Variants in HTR4 observed in about 807,000 individuals in gnomAD.
HTR4 encodes 5-hydroxytryptamine (serotonin) receptor 4, G protein-coupled.
Under a neutral mutation model 36.8 loss-of-function variants are expected in HTR4, and 16 were observed. The observed-to-expected ratio is 0.43, with a 90% CI of 0.29 to 0.66. The LOEUF (loss-of-function observed/expected upper bound fraction) is 0.66. HTR4 is among the 30% of genes least tolerant of loss of function. HTR4 has a pLI of 0.13. For missense variants in HTR4, 438 were observed against 490.9 expected, an observed-to-expected ratio of 0.89 and a Z score of 1.02; for synonymous variants, 189 against 185.1, an observed-to-expected ratio of 1.02 and a Z score of -0.17.
chr5:148,543,441 T>C (rs1759219809), intron 4 of HTR4, among the ~76,000 whole-genome samples: 1 of 152,226 alleles, frequency 6.6e-6, no homozygotes, highest in Non-Finnish European at 1.5e-5. Flanking sequence ...ATCTGCCGCA[T>C]GCTGCTGAAA....
chr5:148,609,960 G>T (rs1408549376), intron 2 of HTR4, among the ~76,000 whole-genome samples: 1 of 152,112 alleles, frequency 6.6e-6, no homozygotes, highest in Non-Finnish European at 1.5e-5. Flanking sequence ...TTTGACTCCA[G>T]AGAAGAATAA....
At chr5:148,607,282 G>A (rs557047409) in intron 2 of HTR4, among the ~76,000 whole-genome samples, 1 of 152,234 alleles carries the variant, frequency 6.6e-6, no homozygotes, top group Non-Finnish European at 1.5e-5. Context: ...TGCTTAGGGG[G>A]GAAAAATGTA....
intron 6 of HTR4, among the ~76,000 whole-genome samples, chr5:148,496,153 C>A (rs1387072535): frequency 6.6e-6 from 1 of 152,070 alleles, no homozygotes; most frequent in Non-Finnish European, 1.5e-5. Flanking sequence ...AACTTGAAGC[C>A]CTGAATCACA....
chr5:148,607,184 T>C (rs968976884), intron 2 of HTR4, among the ~76,000 whole-genome samples: 1 of 152,166 alleles, frequency 6.6e-6, no homozygotes, highest in African/African-American at 2.4e-5. Context: ...ACTTGTAAAA[T>C]GAGATAAAGA....
intron 2 of HTR4, among the ~76,000 whole-genome samples, chr5:148,566,239 A>G (rs1313707001): frequency 6.6e-6 from 1 of 152,240 alleles, no homozygotes; most frequent in Non-Finnish European, 1.5e-5. Flanking sequence ...GGTATAAAAC[A>G]GTAAAGCACA....
intron 2 of HTR4, among the ~76,000 whole-genome samples, chr5:148,569,576 G>T (rs1261802104): frequency 6.6e-6 from 1 of 150,992 alleles, no homozygotes; most frequent in South Asian, 2.1e-4. Flanking sequence ...TTATTTTATT[G>T]TATGTATATT....
chr5:148,570,456 C>T (rs1010581873), intron 2 of HTR4, among the ~76,000 whole-genome samples: 5 of 152,078 alleles, frequency 3.3e-5, no homozygotes, highest in Admixed American at 1.3e-4. Flanking sequence ...ACAGAAAACA[C>T]TTTCTTGAGG....
chr5:148,567,186 CAAAG>C (rs1166474915), intron 2 of HTR4, among the ~76,000 whole-genome samples: 1 of 152,096 alleles, frequency 6.6e-6, no homozygotes, highest in Non-Finnish European at 1.5e-5. Context: ...GAAGCTGCTA[CAAAG>C]AAAGAATAAC....
chr5:148,480,913 T>G (rs1010834782), downstream of HTR4, among the ~76,000 whole-genome samples: 1 of 152,202 alleles, frequency 6.6e-6, no homozygotes, highest in African/African-American at 2.4e-5. Context: ...TACAGAATGT[T>G]TTCACAAAAA....
chr5:148,505,008 T>A (rs1287441202), intron 6 of HTR4, among the ~76,000 whole-genome samples: 1 of 152,152 alleles, frequency 6.6e-6, no homozygotes, highest in Non-Finnish European at 1.5e-5. Context: ...ATTAATAGCC[T>A]ACCAACCAAA....
intron 2 of HTR4, among the ~76,000 whole-genome samples, chr5:148,558,632 T>A (rs1367216241): frequency 6.6e-6 from 1 of 152,100 alleles, no homozygotes. Context: ...TGTAAAACCG[T>A]CCCTTGTCGT....
intron 6 of HTR4, among the ~76,000 whole-genome samples, chr5:148,494,982 G>A (rs1756621699): frequency 6.6e-6 from 1 of 152,176 alleles, no homozygotes; most frequent in African/African-American, 2.4e-5. Context: ...TGATAGCCAA[G>A]AACCAAGTTA....
At chr5:148,532,998 C>G (rs1011131538) in intron 4 of HTR4, among the ~76,000 whole-genome samples, 3 of 152,116 alleles carry the variant, frequency 2.0e-5, no homozygotes, top group African/African-American at 7.2e-5. Flanking sequence ...GAGGAGTTAC[C>G]AAAAGATTTT....
intron 5 of HTR4, among the ~76,000 whole-genome samples, chr5:148,522,090 T>C (rs1245275338): frequency 6.6e-6 from 1 of 152,182 alleles, no homozygotes; most frequent in Admixed American, 6.6e-5. Context: ...GATGGTTTTA[T>C]AAAGGGGAAA....
chr5:148,496,048 C>T (rs1362498523), intron 6 of HTR4, among the ~76,000 whole-genome samples: 3 of 152,030 alleles, frequency 2.0e-5, no homozygotes, highest in African/African-American at 2.4e-5. Context: ...TGCAGTAAGC[C>T]GAAATCGCGC....
intron 5 of HTR4, among the ~76,000 whole-genome samples, chr5:148,522,985 C>T (rs1758092477): frequency 6.6e-6 from 1 of 151,758 alleles, no homozygotes; most frequent in African/African-American, 2.4e-5. Flanking sequence ...CTAGATGGGA[C>T]AAGGATTCAG....
At chr5:148,454,683 C>T (rs1219343900) in intron 5 of HTR4, among the ~76,000 whole-genome samples, 4 of 152,212 alleles carry the variant, frequency 2.6e-5, no homozygotes, top group African/African-American at 4.8e-5. Flanking sequence ...CAATTGATTT[C>T]CCTATCAACA....
chr5:148,519,394 G>C (rs144296793), intron 5 of HTR4, among the ~76,000 whole-genome samples: 209 of 152,270 alleles, frequency 1.4e-3, no homozygotes, highest in African/African-American at 4.7e-3. Context: ...TTTGGGGATG[G>C]ATTAGGACAT....
At chr5:148,581,644 C>T (rs772281936) in intron 2 of HTR4, among the ~76,000 whole-genome samples, 4 of 152,068 alleles carry the variant, frequency 2.6e-5, no homozygotes, top group African/African-American at 7.2e-5. Context: ...ATTAATTGAC[C>T]GTATATGTGT....
Sources: allele counts gnomAD v4.1 joint callset (sites outside exome capture counted in the v4.1 genomes callset), GRCh38; gene constraint gnomAD v4.1.1; transcripts MANE v1.5; gene names NCBI Gene and HGNC (gene_info 2026-07-23, HGNC 2026-07-21).